ATPAF2: variants seen among roughly 807,000 people sequenced by gnomAD.
ATPAF2 encodes the protein ATP synthase mitochondrial F1 complex assembly factor 2.
Under a neutral mutation model 36.6 loss-of-function variants are expected in ATPAF2, and 30 were observed. That is an observed-to-expected ratio of 0.82 (90% CI 0.61 to 1.11). The LOEUF (loss-of-function observed/expected upper bound fraction) is 1.11, where lower values mean the gene tolerates loss of function less well. Among genes scored for constraint, ATPAF2 ranks in the 50% most tolerant of loss-of-function variants. The pLI is 0.00. For missense variants in ATPAF2, 321 were observed against 372.3 expected, an observed-to-expected ratio of 0.86 and a Z score of 1.13; for synonymous variants, 140 against 152.6, an observed-to-expected ratio of 0.92 and a Z score of 0.61.
At position 18,018,248 on chromosome 17, in the gene ATPAF2, CAG is replaced by C. The variant is rs2044412444; in HGVS notation, c.*299_*300del. 3 of 444,798 alleles carry C rather than the reference CAG, an allele frequency of 6.7e-6. No individual in the cohort carries two copies. Among genetic ancestry groups the C allele is most frequent in the South Asian group, 6.3e-5 (3 of 47,442 alleles). 27.6% of individuals were successfully genotyped at this position (444,798 alleles called of 1,614,324 possible). Reference sequence around the variant, plus strand: ...AGAAGTGCAGAGGCATACGTGAAAACAGGGCTCAGCACATTTCCAGGGTGGAG... The same window carrying C: ...AGAAGTGCAGAGGCATACGTGAAAACGGCTCAGCACATTTCCAGGGTGGAG... On this transcript the variant is annotated 3_prime_UTR_variant, in exon 8 of 8. Coordinates refer to ENST00000474627, the MANE Select transcript of ATPAF2 (RefSeq NM_145691.4).
intron 5 of ATPAF2, among the ~76,000 whole-genome samples, chr17:18,023,506 T>C (rs116456585): frequency 1.4e-3 from 217 of 152,362 alleles, no homozygotes; most frequent in African/African-American, 5.1e-3. Context: ...AGTTTTTCTA[T>C]AAACTCTTAA....
chr17:18,017,170 TCAAAAAAAAAA>T (rs2044391291), downstream of ATPAF2, among the ~76,000 whole-genome samples: 1 of 33,670 alleles, frequency 3.0e-5, no homozygotes, highest in African/African-American at 1.2e-4. Flanking sequence ...AGACTTCGTC[TCAAAAAAAAAA>T]AAAAAAAAAA....
rs764708359 is a variant in ATPAF2, at chr17:18,021,738, T to C, written c.616+7A>G. The C allele has an allele frequency of 6.2e-7, 1 of 1,612,778 alleles. No homozygotes were observed. On this transcript the variant is annotated splice_region_variant and intron_variant, in intron 6 of 7. Transcript: ENST00000474627. Reference sequence around the variant, plus strand: ...CCTGCCAAGCCCACAAGAAACTCCATACATGCCTTGTAAAGCCCATGTGTT... The same window carrying C: ...CCTGCCAAGCCCACAAGAAACTCCACACATGCCTTGTAAAGCCCATGTGTT...
In ATPAF2 at chr17:18,027,235, C is replaced by CT. The variant is rs112070770; in HGVS notation, c.325-820dup. On this transcript the variant is annotated intron_variant, in intron 3 of 7. Coordinates refer to ENST00000474627, the MANE Select transcript of ATPAF2 (RefSeq NM_145691.4). The stretch of plus-strand genomic sequence containing the variant: ...GACTGTTTAAAAAAAAAAAAAAGAT[C>CT]TTTTTTTTTCCAGACTTACCTTGTC... 2.5e-3 allele frequency among the ~76,000 whole-genome samples: 378 copies of CT among 150,280 alleles called. 2 individuals are homozygous for CT. Among genetic ancestry groups the CT allele is most frequent in the African/African-American group, 8.7e-3 (359 of 41,058 alleles).
At chr17:18,038,817 C>A in intron 1 of ATPAF2, 64 bp downstream of exon 1, 2 of 1,604,260 alleles carry the variant, frequency 1.2e-6, no homozygotes, top group African/African-American at 1.3e-5. Context: ...TTTGCACAGC[C>A]GAAGCCCGAA....
At chr17:18,016,525 TGTAAG>T, downstream of ATPAF2, 1 of 1,420,694 alleles carries the variant, frequency 7.0e-7, no homozygotes, top group Non-Finnish European at 9.9e-7. Context: ...AATGATCTGA[TGTAAG>T]GAATCGGGCT....
chr17:18,039,054 G>C lies in ATPAF2; in HGVS notation c.-41C>G, dbSNP rs764585640. On this transcript the variant is annotated 5_prime_UTR_variant, in exon 1 of 8. Transcript: ENST00000474627. The surrounding 1 kb of genome is among the most constrained non-coding windows in gnomAD (Gnocchi z 5.3). ...GGGAAGATGCGAGACGCGAAACCTGGAGCAGGAAACACAGAGCGATGGGAT... is the reference window on the plus strand; with the variant it reads ...GGGAAGATGCGAGACGCGAAACCTGCAGCAGGAAACACAGAGCGATGGGAT... 7.7e-6 allele frequency: 12 copies of C among 1,561,680 alleles called. No homozygotes were observed. The highest frequency in any genetic ancestry group is 2.7e-5 in the African/African-American group (2 of 73,480).
chr17:18,037,306 T>G (rs572913371), intron 1 of ATPAF2, among the ~76,000 whole-genome samples: 1 of 151,576 alleles, frequency 6.6e-6, no homozygotes, highest in East Asian at 2.0e-4. Flanking sequence ...GTTATAGAAC[T>G]TGGCTGGGCG....
At chr17:18,017,509 C>T (rs1428957369), downstream of ATPAF2, among the ~76,000 whole-genome samples, 1 of 152,246 alleles carries the variant, frequency 6.6e-6, no homozygotes, top group Non-Finnish European at 1.5e-5. Context: ...CTGAGGTTAG[C>T]CACAAGGACC....
chr17:18,028,806 G>C, intron 1 of ATPAF2, 147 bp from the exon 2 acceptor site: 2 of 782,720 alleles, frequency 2.6e-6, no homozygotes, highest in East Asian at 4.9e-5. Context: ...TACTCAACAC[G>C]GTATAATCAA....
intron 6 of ATPAF2, 187 bp downstream of exon 6, chr17:18,021,558 T>C: frequency 1.5e-6 from 1 of 654,914 alleles, no homozygotes. Context: ...AAGTCGAAGG[T>C]GGAAAGGTGT....
intron 6 of ATPAF2, chr17:18,021,466 C>T: frequency 1.6e-6 from 1 of 637,514 alleles, no homozygotes. Context: ...GAGCTTTCCG[C>T]ACCCAGTCTA....
intron 5 of ATPAF2, among the ~76,000 whole-genome samples, chr17:18,022,313 G>A (rs1359473691): frequency 1.3e-5 from 2 of 152,032 alleles, no homozygotes; most frequent in Admixed American, 6.6e-5. Context: ...ACAGGGTCTC[G>A]CTCTGTCACT....
chr17:18,038,933 CAT>C lies in ATPAF2; in HGVS notation c.79_80del (p.Met27GlufsTer32). ...GAGACGGGATGGTTGGCCCCGGACT[CAT>C]AGAAGCGCTGGGGCCACCCGCCGGC... ...NRPAGGPSAS[M>X]SPGPTIPSPA... On this transcript the variant is annotated frameshift_variant, in exon 1 of 8. Transcript: ENST00000474627. LOFTEE classifies it high-confidence loss of function. 1 of 1,612,488 alleles carries C rather than the reference CAT, an allele frequency of 6.2e-7. No homozygotes were observed. Among genetic ancestry groups the C allele is most frequent in the Non-Finnish European group, 8.5e-7 (1 of 1,179,388 alleles).
rs1350692356 is a variant in ATPAF2 at position 18,028,651 on chromosome 17, T to A, written c.142A>T (p.Arg48Trp). 5 of 1,611,412 alleles carry A rather than the reference T, an allele frequency of 3.1e-6. No homozygotes were observed. Among genetic ancestry groups the A allele is most frequent in the Non-Finnish European group, 4.2e-6 (5 of 1,179,528 alleles). Residue 48 changes from arginine to tryptophan, a missense_variant, in exon 2 of 8, where the codon AGG becomes TGG. Arg to Trp is a moderately radical substitution (Grantham distance 101). Transcript: ENST00000474627. ...GTGATGCTGACATTCTGATAAAACC[T>A]CTTCCTTTCTGTAAGAAAGATTTTT... Reference protein sequence around the residue: ...RAYAPPTERKRFYQNVSITQG... With the variant: ...RAYAPPTERKWFYQNVSITQG...
intron 3 of ATPAF2, among the ~76,000 whole-genome samples, chr17:18,027,374 C>T (rs2044563413): frequency 6.6e-6 from 1 of 152,092 alleles, no homozygotes; most frequent in South Asian, 2.1e-4. Flanking sequence ...TGGGAGGAGG[C>T]CCACCTGGGT....
chr17:18,021,723 C>A lies in ATPAF2; in HGVS notation c.616+22G>T, dbSNP rs760581066. ...TGGCCTTCACAGCCACCTGCCAAGCCCACAAGAAACTCCATACATGCCTTG... is the reference window on the plus strand; with the variant it reads ...TGGCCTTCACAGCCACCTGCCAAGCACACAAGAAACTCCATACATGCCTTG... On this transcript the variant is annotated intron_variant, in intron 6 of 7. Coordinates refer to ENST00000474627, the MANE Select transcript of ATPAF2 (RefSeq NM_145691.4). 3.7e-6 allele frequency: 6 copies of A among 1,607,144 alleles called. No individual in the cohort carries two copies. The Admixed American group carries it at 8.3e-5, about 22-fold the overall frequency.
intron 1 of ATPAF2, among the ~76,000 whole-genome samples, chr17:18,031,742 T>C (rs2044639556): frequency 1.3e-5 from 2 of 152,092 alleles, no homozygotes; most frequent in South Asian, 4.1e-4. Flanking sequence ...ATCGCACCAC[T>C]GCACTCCAGC....
intron 1 of ATPAF2, among the ~76,000 whole-genome samples, chr17:18,031,704 C>T (rs955836399): frequency 2.0e-5 from 3 of 152,020 alleles, no homozygotes; most frequent in Admixed American, 6.6e-5. Flanking sequence ...GGCGTGAACC[C>T]GGGAGGTGGA....
Sources: allele counts gnomAD v4.1 joint callset (sites outside exome capture counted in the v4.1 genomes callset), GRCh38; gene constraint gnomAD v4.1.1; non-coding constraint Gnocchi (gnomAD v3.1); transcripts MANE v1.5; gene names NCBI Gene and HGNC (gene_info 2026-07-23, HGNC 2026-07-21).